The following RCOR3 variants were observed in gnomAD, a reference collection of about 807,000 sequenced individuals.
RCOR3 encodes the protein REST corepressor 3.
RCOR3 carries 13 observed loss-of-function variants against 64.1 expected under a neutral mutation model. The observed-to-expected ratio is 0.20, with a 90% CI of 0.13 to 0.32. The LOEUF (loss-of-function observed/expected upper bound fraction) is 0.32. Ranked by LOEUF, RCOR3 falls within the 10% of genes least tolerant of loss-of-function variation. RCOR3 has a pLI of 1.00. For synonymous variants in RCOR3, 215 were observed against 239.0 expected, an observed-to-expected ratio of 0.90 and a Z score of 0.93; for missense variants, 489 against 701.2, an observed-to-expected ratio of 0.70 and a Z score of 3.42.
At chr1:211,264,313 A>G (rs1694843042) in intron 2 of RCOR3, among the ~76,000 whole-genome samples, 1 of 152,174 alleles carries the variant, frequency 6.6e-6, no homozygotes, top group Non-Finnish European at 1.5e-5. Context: ...GAATGTAGAA[A>G]AATTGAGAGG....
At position 211,288,477 on chromosome 1, in the gene RCOR3, ATAAAT is replaced by A. The variant is rs1404356295; in HGVS notation, c.721-699_721-695del. On this transcript the variant is annotated intron_variant, in intron 7 of 11. Coordinates refer to ENST00000419091, the MANE Select transcript of RCOR3 (RefSeq NM_001136223.3). ...TTATTTTATTACATTTTATTTATAA[ATAAAT>A]TTATAAATATTTATAAATTATTTTA... is the stretch of plus-strand genomic sequence containing the variant. Among the ~76,000 whole-genome samples the A allele has an allele frequency of 7.5e-5, 10 of 132,890 alleles. No individual in the cohort carries two copies. In the Admixed American group the frequency reaches 8.4e-4, roughly 11 times the overall value. The allele number at this position is 132,890 out of a possible 152,430, so 87.2% of individuals were successfully genotyped here.
chr1:211,303,851 A>T, intron 9 of RCOR3: 1 of 354,578 alleles, frequency 2.8e-6, no homozygotes. Flanking sequence ...TAGAGCATAA[A>T]TGCGAATGTT....
At chr1:211,299,678 G>A (rs1700184751) in intron 9 of RCOR3, among the ~76,000 whole-genome samples, 1 of 152,136 alleles carries the variant, frequency 6.6e-6, no homozygotes, top group Non-Finnish European at 1.5e-5. Context: ...CACTAAGCGT[G>A]TCATAGATCG....
chr1:211,267,110 GCTTA>G (rs1695340933), intron 2 of RCOR3, among the ~76,000 whole-genome samples: 1 of 152,294 alleles, frequency 6.6e-6, no homozygotes, highest in Admixed American at 6.5e-5. Flanking sequence ...CTTAGGTAAT[GCTTA>G]CCATATGCCA....
At chr1:211,300,287 C>G (rs1373372015) in intron 9 of RCOR3, among the ~76,000 whole-genome samples, 1 of 151,964 alleles carries the variant, frequency 6.6e-6, no homozygotes, top group Non-Finnish European at 1.5e-5. Context: ...CCAGGCTGGT[C>G]TCAAACTCCT....
At chr1:211,273,859 TA>T (rs563865294) in intron 3 of RCOR3, among the ~76,000 whole-genome samples, 76 of 152,270 alleles carry the variant, frequency 5.0e-4, no homozygotes, top group African/African-American at 1.5e-3. Flanking sequence ...AGTCTCCAAA[TA>T]AAGACTATTA....
chr1:211,263,233 T>C (rs887989064), intron 2 of RCOR3, among the ~76,000 whole-genome samples: 7 of 151,990 alleles, frequency 4.6e-5, no homozygotes, highest in African/African-American at 1.7e-4. Flanking sequence ...TAGTATTCCA[T>C]GGTGTATATG....
intron 9 of RCOR3, among the ~76,000 whole-genome samples, chr1:211,301,288 T>G (rs1700353249): frequency 6.6e-6 from 1 of 152,132 alleles, no homozygotes; most frequent in Non-Finnish European, 1.5e-5. Context: ...CCAAATTAAA[T>G]TAAATCTTAA....
chr1:211,297,709 T>C (rs1699981650), intron 9 of RCOR3, among the ~76,000 whole-genome samples: 1 of 152,224 alleles, frequency 6.6e-6, no homozygotes, highest in South Asian at 2.1e-4. Flanking sequence ...GAAAAATGTA[T>C]ATATGTTGTA....
chr1:211,314,375 A>C lies in RCOR3; in HGVS notation c.*607A>C, dbSNP rs1701760220. 6.6e-6 allele frequency: 1 copy of C among 152,256 alleles called. No individual in the cohort carries two copies. Among genetic ancestry groups the C allele is most frequent in the African/African-American group, 2.4e-5 (1 of 41,438 alleles). The allele number at this position is 152,256 out of a possible 1,614,324, so 9.4% of individuals were successfully genotyped here. A position where few individuals can be genotyped will look rare whatever the true frequency, so the allele number is the denominator to read the frequency against. On this transcript the variant is annotated 3_prime_UTR_variant, in exon 12 of 12. Transcript: ENST00000419091. ...AATTTTAATATATTCCTTTAAAAGA[A>C]AGCAATTTAATCAATTGCAAAGCAA... is the stretch of plus-strand genomic sequence containing the variant.
chr1:211,302,014 T>C (rs1156878125), intron 9 of RCOR3: 1 of 152,188 alleles, frequency 6.6e-6, no homozygotes, highest in East Asian at 1.9e-4. Context: ...ACCTACAACA[T>C]AGTTACTGCA....
At chr1:211,291,614 A>C (rs1571931126) in intron 8 of RCOR3, 2 of 455,794 alleles carry the variant, frequency 4.4e-6, no homozygotes, top group Non-Finnish European at 8.8e-6. Context: ...GAACCTTGCA[A>C]CAGTATAGTG....
intron 3 of RCOR3, among the ~76,000 whole-genome samples, chr1:211,272,977 G>GA (rs1696450825): frequency 6.6e-6 from 1 of 152,124 alleles, no homozygotes; most frequent in Non-Finnish European, 1.5e-5. Flanking sequence ...GCCAGGTTTG[G>GA]AAACCACAGG....
intron 1 of RCOR3, 165 bp from the exon 2 acceptor site, chr1:211,259,943 C>CCCCCAAACCCAG: frequency 7.3e-7 from 1 of 1,364,794 alleles, no homozygotes; most frequent in Non-Finnish European, 9.5e-7. Context: ...CGCTCCCCGC[C>CCCCCAAACCCAG]CCCAATCCGC....
At chr1:211,281,844 G>T (rs1300938072) in intron 7 of RCOR3, among the ~76,000 whole-genome samples, 1 of 152,054 alleles carries the variant, frequency 6.6e-6, no homozygotes, top group Non-Finnish European at 1.5e-5. Flanking sequence ...CTACTGAGTG[G>T]TACTTGTTTA....
At chr1:211,304,745 T>C (rs753553611) in intron 10 of RCOR3, among the ~76,000 whole-genome samples, 1 of 152,248 alleles carries the variant, frequency 6.6e-6, no homozygotes, top group Admixed American at 6.5e-5. Context: ...TTGAATTATA[T>C]GGTAGAAGAC....
At chr1:211,286,926 G>T (rs1359983943) in intron 7 of RCOR3, among the ~76,000 whole-genome samples, 1 of 152,122 alleles carries the variant, frequency 6.6e-6, no homozygotes, top group Non-Finnish European at 1.5e-5. Flanking sequence ...TTTTCCTGCA[G>T]TATATCCTTT....
intron 10 of RCOR3, among the ~76,000 whole-genome samples, chr1:211,304,827 A>G (rs1700706741): frequency 6.6e-6 from 1 of 152,204 alleles, no homozygotes; most frequent in Admixed American, 6.5e-5. Flanking sequence ...AAATGACTTA[A>G]AGACAAGTTG....
intron 10 of RCOR3, among the ~76,000 whole-genome samples, chr1:211,311,087 G>A (rs1701441793): frequency 6.6e-6 from 1 of 152,072 alleles, no homozygotes; most frequent in Non-Finnish European, 1.5e-5. Context: ...AGAAGTACTT[G>A]AATATATAAC....
Sources: gnomAD v4.1 joint callset for allele counts (sites outside exome capture counted in the v4.1 genomes callset) on GRCh38, gnomAD v4.1.1 for gene constraint, MANE v1.5 for transcripts, NCBI Gene and HGNC (gene_info 2026-07-23, HGNC 2026-07-21) for gene names.